SMC3: variants seen among roughly 807,000 people sequenced by gnomAD.
SMC3 encodes structural maintenance of chromosomes 3, also known as structural maintenance of chromosomes protein 3.
A neutral mutation model predicts 171.8 loss-of-function variants in SMC3; 20 were observed. The observed-to-expected ratio is 0.12, with a 90% CI of 0.08 to 0.17. The LOEUF (loss-of-function observed/expected upper bound fraction) is 0.17, where lower values mean the gene tolerates loss of function less well. Among genes scored for constraint, SMC3 ranks in the 10% least tolerant of loss-of-function variants. The pLI is 1.00. For synonymous variants in SMC3, 464 were observed against 451.1 expected (o/e 1.03, Z -0.36); for missense variants, 543 against 1,420.4 (o/e 0.38, Z 9.93).
chr10:110,568,859 AAAAC>A lies in SMC3; in HGVS notation c.16-76_16-73del, dbSNP rs147510961. Reference sequence around the variant, plus strand: ...GAGTTTTCTATATTGCATTAAATGAAAAACAAGAAAGAAATGCAAGAGAAAAATG... The same window carrying A: ...GAGTTTTCTATATTGCATTAAATGAAAAGAAAGAAATGCAAGAGAAAAATG... On this transcript the variant is annotated intron_variant, in intron 1 of 28. Transcript: ENST00000361804. 62,651 of 872,546 alleles carry A rather than the reference AAAAC, an allele frequency of 0.072. 3,931 individuals are homozygous for A. The highest frequency in any genetic ancestry group is 0.28 in the African/African-American group (16,810 of 60,304). 54.1% of individuals were successfully genotyped at this position (872,546 alleles called of 1,614,324 possible).
At chr10:110,581,380 A>G (rs1216463461) in intron 8 of SMC3, among the ~76,000 whole-genome samples, 3 of 151,782 alleles carry the variant, frequency 2.0e-5, no homozygotes, top group African/African-American at 7.3e-5. Context: ...CACCATACTC[A>G]GTTAATTTTT....
At chr10:110,573,683 C>T in intron 2 of SMC3, 24 bp from the exon 3 acceptor site, 11 of 1,525,290 alleles carry the variant, frequency 7.2e-6, no homozygotes, top group Non-Finnish European at 1.0e-5. Context: ...TGTAAAATAA[C>T]TTGTACTTTT....
chr10:110,570,029 T>G (rs1053744375), intron 2 of SMC3, among the ~76,000 whole-genome samples: 1 of 152,226 alleles, frequency 6.6e-6, no homozygotes, highest in Non-Finnish European at 1.5e-5. Context: ...GACTGGTGGC[T>G]TAAACAAGAT....
intron 18 of SMC3, among the ~76,000 whole-genome samples, chr10:110,593,973 G>A (rs1861252432): frequency 6.6e-6 from 1 of 152,114 alleles, no homozygotes. Flanking sequence ...GGGTGATAGA[G>A]CAAGATCCTG....
At chr10:110,580,761 A>C (rs564433242) in intron 7 of SMC3, 143 bp from the exon 8 acceptor site, 1 of 668,340 alleles carries the variant, frequency 1.5e-6, no homozygotes, top group South Asian at 1.7e-5. Context: ...GAAAAAATCT[A>C]AAATCTGTAA....
chr10:110,584,234 A>G lies in SMC3; in HGVS notation c.1143A>G (p.Arg381=). 2.5e-6 allele frequency: 4 copies of G among 1,614,156 alleles called. No individual in the cohort carries two copies. Among genetic ancestry groups the G allele is most frequent in the Non-Finnish European group, 3.4e-6 (4 of 1,180,008 alleles). The stretch of plus-strand genomic sequence containing the variant: ...CGGATCTTTATGCAAAGCAGGGTCG[A>G]GGAAGCCAGTTTACATCAAAAGAAG... The part of the protein sequence containing the change: ...ERTDLYAKQG[R]GSQFTSKEER... Residue 381 remains arginine, a synonymous_variant, in exon 13 of 29, where the codon CGA becomes CGG. Transcript: ENST00000361804.
Position 110,605,804 on chromosome 10 carries a change from A to C in SMC3, c.*1502A>C, listed in dbSNP as rs1861459958. 6.6e-6 allele frequency among the ~76,000 whole-genome samples: 1 copy of C among 152,156 alleles called. No homozygotes were observed. Among genetic ancestry groups the C allele is most frequent in the Non-Finnish European group, 1.5e-5 (1 of 68,018 alleles). On this transcript the variant is annotated 3_prime_UTR_variant, in exon 29 of 29. Transcript: ENST00000361804. ...AAGAATTTTTCTCAAACAACTACCTAAGAATATTCATCATGAATGCTTGGT... is the reference window on the plus strand; with the variant it reads ...AAGAATTTTTCTCAAACAACTACCTCAGAATATTCATCATGAATGCTTGGT...
At chr10:110,583,360 T>C in intron 10 of SMC3, 24 bp from the exon 11 acceptor site, 1 of 1,599,022 alleles carries the variant, frequency 6.3e-7, no homozygotes, top group Non-Finnish European at 8.6e-7. Context: ...ATTGCCTTAT[T>C]TTCTGTTTAA....
Position 110,602,558 on chromosome 10 carries a change from G to A in SMC3, c.3190G>A (p.Gly1064Ser). Residue 1064 changes from glycine (G) to serine (S), a missense_variant, in exon 26 of 29, where the codon GGC becomes AGC. This residue lies in a region of SMC3 where 34 missense variants were observed against 59.1 expected (regional missense o/e 0.58). Transcript: ENST00000361804. ...GGTGATGAAGAAAGGAGATGTGGAG[G>A]GCAGTCAGTCTCAAGATGAAGGAGA... is the stretch of plus-strand genomic sequence containing the variant. ...TLVMKKGDVEGSQSQDEGEGS... is the reference protein window; with the variant it reads ...TLVMKKGDVESSQSQDEGEGS... 2 of 1,613,420 alleles carry A rather than the reference G, an allele frequency of 1.2e-6. No individual in the cohort carries two copies. The highest frequency in any genetic ancestry group is 1.7e-6 in the Non-Finnish European group (2 of 1,179,400).
At position 110,600,553 on chromosome 10, in the gene SMC3, ATG is replaced by A. The variant is rs762937310; in HGVS notation, c.2535+11_2535+12del. The A allele has an allele frequency of 2.3e-5, 27 of 1,193,092 alleles. No individual in the cohort carries two copies. Among genetic ancestry groups the A allele is most frequent in the Admixed American group, 5.2e-5 (3 of 58,122 alleles). The allele number at this position is 1,193,092 out of a possible 1,614,324, so 73.9% of individuals were successfully genotyped here. Reference sequence around the variant, plus strand: ...CTTGGACCAAGTAGAACAGGTGTGTATGTGTTTTTTTTTTTTTTTTTAAGGGC... The same window carrying A: ...CTTGGACCAAGTAGAACAGGTGTGTATGTTTTTTTTTTTTTTTTTAAGGGC... On this transcript the variant is annotated splice_region_variant and intron_variant, in intron 22 of 28. Coordinates refer to ENST00000361804, the MANE Select transcript of SMC3 (RefSeq NM_005445.4).
intron 18 of SMC3, among the ~76,000 whole-genome samples, chr10:110,594,457 CTCT>C (rs1182195031): frequency 3.9e-5 from 6 of 152,010 alleles, no homozygotes; most frequent in African/African-American, 9.7e-5. Flanking sequence ...ATGAAAATAG[CTCT>C]TCTTTTGGTA....
intron 16 of SMC3, 43 bp downstream of exon 16, chr10:110,590,615 A>G (rs1382828922): frequency 6.4e-7 from 1 of 1,560,844 alleles, no homozygotes; most frequent in Non-Finnish European, 8.8e-7. Flanking sequence ...AGAAGAGGGA[A>G]TAAGAATAGC....
intron 12 of SMC3, 66 bp from the exon 13 acceptor site, chr10:110,584,117 T>A (rs1861072200): frequency 4.8e-6 from 7 of 1,463,446 alleles, no homozygotes; most frequent in Middle Eastern, 1.7e-4. Context: ...GCAGTTGACA[T>A]TATTGGTTGC....
chr10:110,575,950 A>G (rs1419754496), intron 4 of SMC3, among the ~76,000 whole-genome samples: 1 of 152,242 alleles, frequency 6.6e-6, no homozygotes, highest in Non-Finnish European at 1.5e-5. Context: ...ATTGCAAACT[A>G]AACAACATAC....
intron 13 of SMC3, among the ~76,000 whole-genome samples, chr10:110,585,446 G>A (rs1221959558): frequency 2.6e-5 from 4 of 151,614 alleles, no homozygotes; most frequent in Non-Finnish European, 2.9e-5. Flanking sequence ...CTGCCACCAC[G>A]CCCGGCTAAT....
At chr10:110,577,809 C>T (rs368638452) in intron 5 of SMC3, 26 bp from the exon 6 acceptor site, 16 of 1,518,166 alleles carry the variant, frequency 1.1e-5, no homozygotes, top group Non-Finnish European at 1.4e-5. Context: ...ATTAAATTAA[C>T]TGTGGGCTTT....
intron 18 of SMC3, among the ~76,000 whole-genome samples, chr10:110,594,710 C>T (rs1361231834): frequency 3.3e-5 from 5 of 151,916 alleles, no homozygotes; most frequent in Non-Finnish European, 5.9e-5. Context: ...GTAAACCCAT[C>T]TCCCCCCAAG....
intron 18 of SMC3, among the ~76,000 whole-genome samples, chr10:110,594,417 T>C (rs1861262664): frequency 6.6e-6 from 1 of 152,100 alleles, no homozygotes; most frequent in Non-Finnish European, 1.5e-5. Flanking sequence ...ATGTAAACAA[T>C]ATTTTGACAT....
intron 25 of SMC3, 33 bp downstream of exon 25, chr10:110,602,211 C>T (rs1861398256): frequency 6.5e-7 from 1 of 1,549,628 alleles, no homozygotes; most frequent in East Asian, 2.2e-5. Flanking sequence ...AACATACACA[C>T]AGAGGACAAA....
Sources: gnomAD v4.1 joint callset for allele counts (sites outside exome capture counted in the v4.1 genomes callset) on GRCh38, gnomAD v4.1.1 for gene constraint, gnomAD v4.1.1 regional missense constraint, MANE v1.5 for transcripts, NCBI Gene and HGNC (gene_info 2026-07-23, HGNC 2026-07-21) for gene names.